The following ABTB3 variants were observed in gnomAD, a reference collection of about 807,000 sequenced individuals.
The protein encoded by ABTB3 is ankyrin repeat- and BTB/POZ domain-containing protein 3.
chr12:107,564,090 CTGTGTGTGTGTGTGTG>C, the ABTB3 span, among the ~76,000 whole-genome samples: 42 of 126,440 alleles, frequency 3.3e-4, no homozygotes, highest in African/African-American at 1.0e-3. Flanking sequence ...ATCTATCTCT[CTGTGTGTGTGTGTGTG>C]TGTGTGTGTG....
At chr12:107,555,357 G>A in the ABTB3 span, among the ~76,000 whole-genome samples, 5 of 152,324 alleles carry the variant, frequency 3.3e-5, no homozygotes, top group East Asian at 1.9e-4. Context: ...GTTCTCAGCC[G>A]AGGGGTAGAA....
chr12:107,657,635 G>A, the ABTB3 span: 4 of 1,614,178 alleles, frequency 2.5e-6, no homozygotes, highest in African/African-American at 4.0e-5. Flanking sequence ...GACCGGCCAG[G>A]ATGTGCTCCA....
the ABTB3 span, among the ~76,000 whole-genome samples, chr12:107,373,805 C>A: frequency 6.6e-6 from 1 of 152,324 alleles, no homozygotes; most frequent in South Asian, 2.1e-4. Context: ...GGGATGGCCC[C>A]GTAACTCAGC....
At chr12:107,380,873 G>A in the ABTB3 span, among the ~76,000 whole-genome samples, 3 of 151,972 alleles carry the variant, frequency 2.0e-5, no homozygotes, top group Non-Finnish European at 2.9e-5. Flanking sequence ...TGGTAGTACA[G>A]CAGTATATTA....
the ABTB3 span, among the ~76,000 whole-genome samples, chr12:107,638,887 C>T: frequency 2.0e-5 from 3 of 152,324 alleles, no homozygotes; most frequent in South Asian, 4.1e-4. Flanking sequence ...ACTCTTACTA[C>T]ACTTTACCAC....
the ABTB3 span, among the ~76,000 whole-genome samples, chr12:107,526,905 C>A: frequency 2.6e-5 from 4 of 152,076 alleles, no homozygotes; most frequent in Non-Finnish European, 5.9e-5. Flanking sequence ...TGCCTTCAGC[C>A]CCTAGGGTAT....
the ABTB3 span, among the ~76,000 whole-genome samples, chr12:107,459,211 A>G: frequency 6.6e-6 from 1 of 152,214 alleles, no homozygotes; most frequent in Non-Finnish European, 1.5e-5. Context: ...GAGACATTAC[A>G]TAATTTGCTC....
At chr12:107,446,525 G>A in the ABTB3 span, among the ~76,000 whole-genome samples, 1 of 152,060 alleles carries the variant, frequency 6.6e-6, no homozygotes, top group Admixed American at 6.6e-5. Context: ...TAAGGACCAG[G>A]GTCACTTTCT....
chr12:107,636,083 C>G, the ABTB3 span, among the ~76,000 whole-genome samples: 1 of 152,130 alleles, frequency 6.6e-6, no homozygotes, highest in East Asian at 1.9e-4. Flanking sequence ...ACTGCAATAT[C>G]AGTACATTAT....
At chr12:107,556,642 G>A in the ABTB3 span, among the ~76,000 whole-genome samples, 1 of 152,188 alleles carries the variant, frequency 6.6e-6, no homozygotes, top group African/African-American at 2.4e-5. Flanking sequence ...TTGCCTTAAT[G>A]TACATCGCCC....
the ABTB3 span, among the ~76,000 whole-genome samples, chr12:107,656,102 A>G: frequency 2.0e-5 from 3 of 151,124 alleles, no homozygotes; most frequent in Non-Finnish European, 4.4e-5. Flanking sequence ...AGCCTGAGCA[A>G]CATAGTGAAA....
the ABTB3 span, among the ~76,000 whole-genome samples, chr12:107,332,166 G>T: frequency 1.3e-5 from 2 of 152,202 alleles, no homozygotes; most frequent in East Asian, 1.9e-4. Context: ...GTGATCTCAC[G>T]CTCCTGACCT....
At chr12:107,490,792 A>G in the ABTB3 span, among the ~76,000 whole-genome samples, 5 of 152,230 alleles carry the variant, frequency 3.3e-5, no homozygotes, top group African/African-American at 4.8e-5. Flanking sequence ...ACAGAGGATC[A>G]GATGAGAAAG....
the ABTB3 span, chr12:107,612,647 C>A: frequency 4.5e-6 from 4 of 894,502 alleles, no homozygotes; most frequent in South Asian, 3.3e-5. Flanking sequence ...CACAGGGCTG[C>A]ACGTTTATTT....
At chr12:107,393,797 G>A in the ABTB3 span, among the ~76,000 whole-genome samples, 1 of 152,114 alleles carries the variant, frequency 6.6e-6, no homozygotes, top group Non-Finnish European at 1.5e-5. Flanking sequence ...AGGGATGGTG[G>A]CAGGCGCCTG....
At chr12:107,487,382 T>C in the ABTB3 span, among the ~76,000 whole-genome samples, 1 of 152,162 alleles carries the variant, frequency 6.6e-6, no homozygotes, top group South Asian at 2.1e-4. Context: ...GGAGGTCTAG[T>C]TCCTTTCTAC....
At chr12:107,362,465 C>G in the ABTB3 span, among the ~76,000 whole-genome samples, 1 of 152,164 alleles carries the variant, frequency 6.6e-6, no homozygotes, top group South Asian at 2.1e-4. Context: ...CAGGAAACAT[C>G]AGTAGAGGGG....
chr12:107,327,220 G>A, the ABTB3 span, among the ~76,000 whole-genome samples: 2 of 152,164 alleles, frequency 1.3e-5, no homozygotes, highest in Admixed American at 6.5e-5. Context: ...TATGCCAGTA[G>A]CCACACCCAG....
At chr12:107,615,271 A>G in the ABTB3 span, 1 of 789,596 alleles carries the variant, frequency 1.3e-6, no homozygotes, top group Non-Finnish European at 2.1e-6. Context: ...CATATTGGTT[A>G]ACTGCAATTC....
Sources: gnomAD v4.1 joint callset for allele counts (sites outside exome capture counted in the v4.1 genomes callset) on GRCh38, gnomAD v4.1.1 for gene constraint, MANE v1.5 for transcripts, NCBI Gene and HGNC (gene_info 2026-07-23, HGNC 2026-07-21) for gene names.